Variants in NIPBL observed in about 807,000 individuals in gnomAD.
The protein encoded by NIPBL is nipped-B-like protein.
A neutral mutation model predicts 321.8 loss-of-function variants in NIPBL; 19 were observed. The observed-to-expected ratio is 0.06, with a 90% confidence interval of 0.04 to 0.09. The LOEUF (loss-of-function observed/expected upper bound fraction) is 0.09. NIPBL is among the 10% of genes least tolerant of loss of function. NIPBL has a pLI of 1.00. For synonymous variants in NIPBL, 1,106 were observed against 1,114.1 expected, an observed-to-expected ratio of 0.99 and a Z score of 0.14; for missense variants, 2,210 against 3,327.0, an observed-to-expected ratio of 0.66 and a Z score of 8.26.
intron 10 of NIPBL, among the ~76,000 whole-genome samples, chr5:36,988,511 T>C (rs76112885): frequency 6.6e-6 from 1 of 152,090 alleles, no homozygotes; most frequent in Non-Finnish European, 1.5e-5. Flanking sequence ...CTTTTTTTTT[T>C]AGTAATGATC....
intron 1 of NIPBL, among the ~76,000 whole-genome samples, chr5:36,883,322 G>T (rs1745644903): frequency 6.6e-6 from 1 of 151,630 alleles, no homozygotes; most frequent in Admixed American, 6.6e-5. Flanking sequence ...TGACAGAAAA[G>T]AAAAACTTTT....
chr5:36,971,740 C>T (rs1025833125), intron 7 of NIPBL: 19 of 912,656 alleles, frequency 2.1e-5, no homozygotes, highest in Non-Finnish European at 2.4e-5. Context: ...TATTCATTGC[C>T]ATGCTTAGGC....
chr5:36,886,411 C>G (rs1745909522), intron 1 of NIPBL: 4 of 736,378 alleles, frequency 5.4e-6, no homozygotes, highest in Non-Finnish European at 1.0e-5. Flanking sequence ...CAACTCCATG[C>G]AAACTATCCA....
At chr5:36,968,272 A>G (rs892328607) in intron 6 of NIPBL, among the ~76,000 whole-genome samples, 1 of 152,058 alleles carries the variant, frequency 6.6e-6, no homozygotes, top group Admixed American at 6.5e-5. Flanking sequence ...GAAAGATTCA[A>G]CTTCCATTCA....
intron 6 of NIPBL, among the ~76,000 whole-genome samples, chr5:36,968,330 G>T (rs1294211955): frequency 1.3e-5 from 2 of 152,004 alleles, no homozygotes; most frequent in African/African-American, 2.4e-5. Context: ...AGCACTTTGG[G>T]AGGCTGAGAC....
At chr5:36,941,780 T>G (rs1739088379) in intron 1 of NIPBL, among the ~76,000 whole-genome samples, 1 of 152,158 alleles carries the variant, frequency 6.6e-6, no homozygotes, top group Non-Finnish European at 1.5e-5. Context: ...ATTTAAAAAA[T>G]TATTTTTCTA....
At chr5:37,049,403 CTCT>C in intron 40 of NIPBL, 102 bp downstream of exon 40, 1 of 1,281,874 alleles carries the variant, frequency 7.8e-7, no homozygotes, top group South Asian at 1.2e-5. Context: ...GTTCCTCTTA[CTCT>C]TCTTTGTACT....
At chr5:36,916,503 A>C (rs1162331315) in intron 1 of NIPBL, among the ~76,000 whole-genome samples, 2 of 151,812 alleles carry the variant, frequency 1.3e-5, no homozygotes, top group Non-Finnish European at 1.5e-5. Context: ...AACCATTTAC[A>C]TTTTTTTTAA....
intron 45 of NIPBL, among the ~76,000 whole-genome samples, chr5:37,063,446 G>A (rs1321685991): frequency 6.6e-6 from 1 of 152,194 alleles, no homozygotes; most frequent in Non-Finnish European, 1.5e-5. Context: ...TGATGACTTG[G>A]ACCAAGGGTC....
intron 34 of NIPBL, among the ~76,000 whole-genome samples, chr5:37,041,422 C>T (rs1187741408): frequency 6.6e-6 from 1 of 151,640 alleles, no homozygotes; most frequent in Non-Finnish European, 1.5e-5. Flanking sequence ...CACCACCACA[C>T]CTGGCTAATT....
chr5:37,049,870 A>G (rs1753344037), intron 40 of NIPBL, among the ~76,000 whole-genome samples: 2 of 152,246 alleles, frequency 1.3e-5, no homozygotes, highest in Admixed American at 6.5e-5. Flanking sequence ...ACCATAGGCT[A>G]CAAAAGTGTA....
chr5:36,972,527 TTTA>T (rs1407988274), intron 8 of NIPBL, among the ~76,000 whole-genome samples: 3 of 152,132 alleles, frequency 2.0e-5, no homozygotes, highest in African/African-American at 7.2e-5. Context: ...CCCTGGCCGT[TTTA>T]TTAAGTTTCA....
At chr5:36,893,670 T>C (rs73750906) in intron 1 of NIPBL, among the ~76,000 whole-genome samples, 6,356 of 152,146 alleles carry the variant, frequency 0.042, 453 homozygotes, top group African/African-American at 0.15. Context: ...GAATTTTACA[T>C]GGCTACCTAA....
intron 1 of NIPBL, among the ~76,000 whole-genome samples, chr5:36,906,150 G>A (rs1030001622): frequency 2.0e-5 from 3 of 152,092 alleles, no homozygotes; most frequent in Non-Finnish European, 4.4e-5. Flanking sequence ...TGATAAATCA[G>A]TGGATGAGAA....
intron 6 of NIPBL, among the ~76,000 whole-genome samples, chr5:36,964,555 A>C (rs1340610947): frequency 6.6e-6 from 1 of 152,210 alleles, no homozygotes; most frequent in African/African-American, 2.4e-5. Context: ...TTAAATACTT[A>C]AATCTGAGAC....
intron 10 of NIPBL, among the ~76,000 whole-genome samples, chr5:36,992,579 A>C (rs964142498): frequency 6.6e-6 from 1 of 151,944 alleles, no homozygotes; most frequent in African/African-American, 2.4e-5. Context: ...CGGTGGTGCT[A>C]ATATAGCTCA....
chr5:36,948,144 G>T (rs1409132653), intron 1 of NIPBL, among the ~76,000 whole-genome samples: 1 of 151,626 alleles, frequency 6.6e-6, no homozygotes, highest in Admixed American at 6.6e-5. Flanking sequence ...CATTCTTGTG[G>T]CCAAACTCAA....
intron 1 of NIPBL, among the ~76,000 whole-genome samples, chr5:36,881,220 T>C (rs1390488036): frequency 1.3e-5 from 2 of 151,972 alleles, no homozygotes; most frequent in Non-Finnish European, 2.9e-5. Context: ...TTTTAAAGGG[T>C]ATTTTATGTG....
intron 1 of NIPBL, among the ~76,000 whole-genome samples, chr5:36,894,220 A>G (rs1341684748): frequency 6.6e-6 from 1 of 152,162 alleles, no homozygotes; most frequent in Non-Finnish European, 1.5e-5. Context: ...AAGGTATTTG[A>G]TAAGAAGCAA....
Sources: gnomAD v4.1 joint callset for allele counts (sites outside exome capture counted in the v4.1 genomes callset) on GRCh38, gnomAD v4.1.1 for gene constraint, MANE v1.5 for transcripts, NCBI Gene and HGNC (gene_info 2026-07-23, HGNC 2026-07-21) for gene names.